Variants in ARL15 observed in about 807,000 individuals in gnomAD.
ARL15 encodes ADP-ribosylation factor-like protein 15.
A neutral mutation model predicts 25.2 loss-of-function variants in ARL15; 19 were observed. The observed-to-expected ratio is 0.75, with a 90% confidence interval of 0.53 to 1.10. The LOEUF (loss-of-function observed/expected upper bound fraction) is 1.10, where lower values mean the gene tolerates loss of function less well. Ranked by LOEUF, ARL15 falls within the 50% of genes least tolerant of loss-of-function variation. The probability of loss-of-function intolerance (pLI) is 0.00; values close to 1 mark genes in which losing one functional copy is unlikely to be tolerated. For missense variants in ARL15, 220 were observed against 246.0 expected, an observed-to-expected ratio of 0.89 and a Z score of 0.71; for synonymous variants, 94 against 86.8, an observed-to-expected ratio of 1.08 and a Z score of -0.46.
At chr5:53,903,999 C>T (rs541991180) in intron 4 of ARL15, among the ~76,000 whole-genome samples, 96 of 152,140 alleles carry the variant, frequency 6.3e-4, no homozygotes, top group Non-Finnish European at 1.2e-3. Flanking sequence ...AAGAAAGTAC[C>T]ACAGCAATAA....
chr5:53,931,855 T>A (rs1746203670), intron 4 of ARL15, among the ~76,000 whole-genome samples: 1 of 152,220 alleles, frequency 6.6e-6, no homozygotes, highest in Non-Finnish European at 1.5e-5. Flanking sequence ...AATAACTGTC[T>A]TTTAAGTAAG....
chr5:54,199,780 C>A (rs552183249), intron 1 of ARL15, among the ~76,000 whole-genome samples: 12 of 131,478 alleles, frequency 9.1e-5, no homozygotes, highest in Admixed American at 3.2e-4. Context: ...TTGACCCAGC[C>A]ATCCCATTAC....
intron 4 of ARL15, among the ~76,000 whole-genome samples, chr5:53,893,831 T>G (rs1337081227): frequency 6.6e-6 from 1 of 152,164 alleles, no homozygotes; most frequent in African/African-American, 2.4e-5. Context: ...AGGGCATCAT[T>G]AAGATTCTTC....
At chr5:54,133,793 T>C (rs979844262) in intron 3 of ARL15, among the ~76,000 whole-genome samples, 3 of 152,010 alleles carry the variant, frequency 2.0e-5, no homozygotes, top group Non-Finnish European at 2.9e-5. Flanking sequence ...GCGGAGACCA[T>C]GAATGGTCAT....
chr5:53,998,371 G>C (rs1748749353), intron 4 of ARL15, among the ~76,000 whole-genome samples: 1 of 150,828 alleles, frequency 6.6e-6, no homozygotes, highest in African/African-American at 2.4e-5. Flanking sequence ...CAGCCCTTTA[G>C]TTTCTCCCCT....
intron 2 of ARL15, among the ~76,000 whole-genome samples, chr5:54,165,127 A>G (rs2112381358): frequency 6.6e-6 from 1 of 152,146 alleles, no homozygotes; most frequent in East Asian, 1.9e-4. Flanking sequence ...GAATCTTCCA[A>G]TAGTGTACTT....
At chr5:54,136,994 G>T (rs914884900) in intron 3 of ARL15, among the ~76,000 whole-genome samples, 5 of 151,222 alleles carry the variant, frequency 3.3e-5, no homozygotes, top group African/African-American at 1.2e-4. Context: ...TCCAGCTACA[G>T]ATATTAAAAT....
At chr5:54,017,427 C>T (rs1749459713) in intron 4 of ARL15, among the ~76,000 whole-genome samples, 1 of 151,994 alleles carries the variant, frequency 6.6e-6, no homozygotes. Context: ...CCAAATACAG[C>T]TCCACAGAAT....
At chr5:54,012,184 C>T (rs1749265379) in intron 4 of ARL15, among the ~76,000 whole-genome samples, 1 of 152,086 alleles carries the variant, frequency 6.6e-6, no homozygotes, top group Non-Finnish European at 1.5e-5. Context: ...CTTTTATAGC[C>T]TTGTAATATT....
At chr5:54,301,119 T>C (rs1460404207) in intron 1 of ARL15, among the ~76,000 whole-genome samples, 1 of 152,236 alleles carries the variant, frequency 6.6e-6, no homozygotes, top group Non-Finnish European at 1.5e-5. Context: ...TAGGTTAGGT[T>C]GCCTTTCATG....
chr5:54,261,755 C>A (rs901675558), intron 1 of ARL15, among the ~76,000 whole-genome samples: 9 of 152,072 alleles, frequency 5.9e-5, no homozygotes, highest in Admixed American at 1.3e-4. Context: ...ATCTTACACA[C>A]ACACACACAC....
intron 3 of ARL15, among the ~76,000 whole-genome samples, chr5:54,114,306 A>T (rs1334206130): frequency 6.7e-6 from 1 of 149,682 alleles, no homozygotes; most frequent in African/African-American, 2.5e-5. Context: ...GCTAAGGCTG[A>T]GGCAGGAGGA....
At position 54,024,803 on chromosome 5, in the gene ARL15, T is replaced by C. The variant is rs554152403; in HGVS notation, c.462+88399A>G. ...ATATATATACAAATACATATGTATA[T>C]CTATAGTTAATACAAATACTCACAA... On this transcript the variant is annotated intron_variant, in intron 4 of 4. Transcript: ENST00000504924. Among the ~76,000 whole-genome samples the C allele has an allele frequency of 8.5e-5, 13 of 152,224 alleles. No individual in the cohort carries two copies. In the South Asian group the frequency reaches 1.2e-3, roughly 15 times the overall value.
intron 4 of ARL15, among the ~76,000 whole-genome samples, chr5:53,938,927 T>G (rs533162809): frequency 2.0e-5 from 3 of 152,354 alleles, no homozygotes; most frequent in East Asian, 3.9e-4. Flanking sequence ...TTAGCGTCAG[T>G]TTACGACACA....
intron 3 of ARL15, among the ~76,000 whole-genome samples, chr5:54,125,361 C>T (rs1042158374): frequency 3.9e-5 from 6 of 152,128 alleles, no homozygotes; most frequent in African/African-American, 1.2e-4. Context: ...ATGAAGCAAA[C>T]TGCCACACTA....
chr5:54,276,574 T>C (rs35924), intron 1 of ARL15, among the ~76,000 whole-genome samples: 139,324 of 152,268 alleles, frequency 0.91, 64,469 homozygotes, highest in African/African-American at 0.98. Context: ...GAATAATGTC[T>C]CCCATAGAGT....
intron 4 of ARL15, among the ~76,000 whole-genome samples, chr5:54,030,220 C>A (rs1749933133): frequency 6.6e-6 from 1 of 151,982 alleles, no homozygotes; most frequent in Non-Finnish European, 1.5e-5. Context: ...TGGAAAAGTA[C>A]CTGCTATACG....
chr5:53,918,827 CA>C (rs1745745703), intron 4 of ARL15, among the ~76,000 whole-genome samples: 1 of 104,602 alleles, frequency 9.6e-6, no homozygotes, highest in South Asian at 2.9e-4. Context: ...GTGAAGTTGA[CA>C]GTAAAAAAAA....
At chr5:54,295,713 AGT>A (rs1035668987) in intron 1 of ARL15, among the ~76,000 whole-genome samples, 1 of 152,214 alleles carries the variant, frequency 6.6e-6, no homozygotes, top group Non-Finnish European at 1.5e-5. Flanking sequence ...ACTTTAGCCC[AGT>A]GACTTGAAAA....
Sources: gnomAD v4.1 joint callset for allele counts (sites outside exome capture counted in the v4.1 genomes callset) on GRCh38, gnomAD v4.1.1 for gene constraint, MANE v1.5 for transcripts, NCBI Gene and HGNC (gene_info 2026-07-23, HGNC 2026-07-21) for gene names.